The following CACNA1S variants were observed in gnomAD, a reference collection of about 807,000 sequenced individuals.
CACNA1S encodes voltage-dependent L-type calcium channel subunit alpha-1S.
Under a neutral mutation model 207.4 loss-of-function variants are expected in CACNA1S, and 126 were observed. That is an observed-to-expected ratio of 0.61 (90% CI 0.53 to 0.70). The LOEUF (loss-of-function observed/expected upper bound fraction) is 0.70. Among genes scored for constraint, CACNA1S ranks in the 30% least tolerant of loss-of-function variants. The pLI is 0.00. For synonymous variants in CACNA1S, 960 were observed against 932.7 expected, an observed-to-expected ratio of 1.03 and a Z score of -0.53; for missense variants, 2,349 against 2,422.8, an observed-to-expected ratio of 0.97 and a Z score of 0.64.
Position 201,062,829 on chromosome 1 carries a change from A to G in CACNA1S, c.2854-315T>C, listed in dbSNP as rs558599346. 2.0e-5 allele frequency among the ~76,000 whole-genome samples: 3 copies of G among 152,192 alleles called. No individual in the cohort carries two copies. In the East Asian group the frequency reaches 5.8e-4, roughly 30 times the overall value. ...GAGTGCCCCCTGATGGGCTGAGGGG[A>G]TGGACATGAGTGCAGCTTGGCCCCT... On this transcript the variant is annotated intron_variant, in intron 22 of 43. Transcript: ENST00000362061.
At chr1:201,069,324 T>C in intron 18 of CACNA1S, 128 bp from the exon 19 acceptor site, 1 of 1,407,008 alleles carries the variant, frequency 7.1e-7, no homozygotes, top group Non-Finnish European at 1.0e-6. Context: ...TCAGAAGGAG[T>C]GGAGTGGGCA....
In CACNA1S at chr1:201,073,011, T is replaced by C. The variant is rs371336455; in HGVS notation, c.2158-187A>G. 6.6e-5 allele frequency among the ~76,000 whole-genome samples: 10 copies of C among 152,182 alleles called. No homozygotes were observed. The East Asian group carries it at 1.7e-3, about 26-fold the overall frequency. ...CCAGGCCCAGCAAGGCCAGACAACT[T>C]GCAAAAGCTCCCACGGGGCAAGGCC... On this transcript the variant is annotated intron_variant, in intron 15 of 43. Coordinates refer to ENST00000362061, the MANE Select transcript of CACNA1S (RefSeq NM_000069.3).
chr1:201,096,349 C>A (rs1271905962), intron 2 of CACNA1S, among the ~76,000 whole-genome samples: 1 of 152,244 alleles, frequency 6.6e-6, no homozygotes, highest in Non-Finnish European at 1.5e-5. Context: ...AGGGATGTGT[C>A]CCCTCTTGCA....
intron 10 of CACNA1S, among the ~76,000 whole-genome samples, chr1:201,078,756 G>A (rs1661727852): frequency 6.6e-6 from 1 of 151,916 alleles, no homozygotes; most frequent in Admixed American, 6.6e-5. Context: ...GAAGCTCCCT[G>A]TCCGTGATTC....
At chr1:201,052,244 G>A (rs1401829745) in intron 32 of CACNA1S, among the ~76,000 whole-genome samples, 1 of 152,258 alleles carries the variant, frequency 6.6e-6, no homozygotes, top group Non-Finnish European at 1.5e-5. Context: ...GAGGGCAAAT[G>A]TCCGGGAGAA....
intron 19 of CACNA1S, among the ~76,000 whole-genome samples, chr1:201,068,633 G>A: frequency 6.6e-6 from 1 of 151,832 alleles, no homozygotes; most frequent in East Asian, 2.0e-4. Flanking sequence ...AGCACTTTGG[G>A]AGGCTGAGGT....
chr1:201,111,232 T>C (rs1001139232), intron 1 of CACNA1S, among the ~76,000 whole-genome samples: 1 of 152,130 alleles, frequency 6.6e-6, no homozygotes, highest in East Asian at 1.9e-4. Flanking sequence ...CTATCTCTAC[T>C]TGCCCCACGT....
At chr1:201,042,012 T>C (rs1199965294) in intron 40 of CACNA1S, 3 of 304,238 alleles carry the variant, frequency 9.9e-6, no homozygotes. Context: ...CCCTGGATTA[T>C]CTAATGCACA....
At chr1:201,077,661 AC>A (rs1331341407) in intron 11 of CACNA1S, among the ~76,000 whole-genome samples, 8 of 152,138 alleles carry the variant, frequency 5.3e-5, no homozygotes, top group African/African-American at 1.9e-4. Flanking sequence ...CCTGCCATAG[AC>A]TATGGTAAGA....
intron 28 of CACNA1S, among the ~76,000 whole-genome samples, chr1:201,058,072 A>T (rs1488646969): frequency 6.6e-6 from 1 of 152,102 alleles, no homozygotes; most frequent in African/African-American, 2.4e-5. Flanking sequence ...TCTCCTCTCC[A>T]GCTCCAGTCA....
At chr1:201,094,286 C>A (rs903346184) in intron 2 of CACNA1S, among the ~76,000 whole-genome samples, 3 of 152,166 alleles carry the variant, frequency 2.0e-5, no homozygotes, top group Non-Finnish European at 4.4e-5. Context: ...CCATCTCCAG[C>A]ATTTCATGTT....
intron 38 of CACNA1S, 77 bp from the exon 39 acceptor site, chr1:201,044,533 C>CA: frequency 6.5e-7 from 1 of 1,549,912 alleles, no homozygotes. Flanking sequence ...TTTTTTGAGA[C>CA]AGAGTCTCAC....
rs771401672 is a variant in CACNA1S at position 201,039,806 on chromosome 1, A to G, written c.*25T>C. On this transcript the variant is annotated 3_prime_UTR_variant, in exon 44 of 44. Coordinates refer to ENST00000362061, the MANE Select transcript of CACNA1S (RefSeq NM_000069.3). ...ACCCCCATTGGTCATGCCAGCTCTA[A>G]GCCCATGCTGATGCTGTGTGGGCAT... is the stretch of plus-strand genomic sequence containing the variant. 4.4e-6 allele frequency: 7 copies of G among 1,600,858 alleles called. No individual in the cohort carries two copies. Among genetic ancestry groups the G allele is most frequent in the Non-Finnish European group, 5.9e-6 (7 of 1,179,952 alleles).
rs1316899617 is a variant in CACNA1S, at chr1:201,085,436, C to T, written c.1150G>A (p.Gly384Arg). ...CTGACCACAGCCTTTGGGCCCAAAC[C>T]TTCTCTGAAGTCCTCAACATCCATG... Reference protein sequence around the residue: ...EVMDVEDFREGKLSLDEGGSD... With the variant: ...EVMDVEDFRERKLSLDEGGSD... The change falls in exon 8 of 44, where the codon GGA becomes AGA. Residue 384 changes from glycine (G) to arginine (R), a missense_variant and splice_region_variant. By Grantham distance (125) the Gly-to-Arg change is moderately radical. Coordinates refer to ENST00000362061, the MANE Select transcript of CACNA1S (RefSeq NM_000069.3). The T allele has an allele frequency of 1.9e-6, 3 of 1,613,672 alleles. No individual in the cohort carries two copies. The highest frequency in any genetic ancestry group is 2.7e-5 in the African/African-American group (2 of 74,772).
intron 19 of CACNA1S, among the ~76,000 whole-genome samples, chr1:201,067,340 T>C (rs74138825): frequency 5.3e-5 from 8 of 152,150 alleles, no homozygotes; most frequent in Non-Finnish European, 1.0e-4. Context: ...GGAAAGCTTC[T>C]TGGGCAATCC....
In CACNA1S at chr1:201,058,411, G is replaced by A. The variant is rs189797100; in HGVS notation, c.3606C>T (p.Ile1202=). The part of the protein sequence containing the change: ...GSIIDVILSE[I]DTFLASSGGL... ...GCTCTGCCTGCCTGATACTCACGTC[G>A]ATCTCACTGAGGATGACATCAATGA... The change falls in exon 28 of 44, where the codon ATC becomes ATT. Residue 1202 remains isoleucine (I), a synonymous_variant. Coordinates refer to ENST00000362061, the MANE Select transcript of CACNA1S (RefSeq NM_000069.3). 9.9e-5 allele frequency: 160 copies of A among 1,613,598 alleles called. No individual in the cohort carries two copies. In the East Asian group the frequency reaches 1.8e-3, roughly 18 times the overall value.
intron 10 of CACNA1S, among the ~76,000 whole-genome samples, chr1:201,078,382 TAG>T (rs1007002535): frequency 4.9e-4 from 74 of 152,182 alleles, no homozygotes; most frequent in African/African-American, 1.8e-3. Context: ...GTATTTTTAA[TAG>T]AGACAGGGTT....
rs1211001504 is a variant in CACNA1S, at chr1:201,061,299, C to G, written c.3223G>C (p.Glu1075Gln). The G allele has an allele frequency of 6.2e-7, 1 of 1,614,062 alleles. No homozygotes were observed. ...TTGTCCAGCTCACAGTTCTTGTACT[C>G]AGTCTCTCCCTGCTCCTGGAAGGTG... ...IVTFQEQGET[E>Q]YKNCELDKNQ... The change falls in exon 25 of 44, where the codon GAG (glutamate) becomes CAG (glutamine). Residue 1075 changes from glutamate (E) to glutamine (Q), a missense_variant. Transcript: ENST00000362061.
At chr1:201,057,104 C>T (rs1156540728) in intron 28 of CACNA1S, among the ~76,000 whole-genome samples, 1 of 152,240 alleles carries the variant, frequency 6.6e-6, no homozygotes, top group Non-Finnish European at 1.5e-5. Flanking sequence ...CACACTTAAA[C>T]CCTCCAAAGG....
Sources: allele counts gnomAD v4.1 joint callset (sites outside exome capture counted in the v4.1 genomes callset), GRCh38; gene constraint gnomAD v4.1.1; transcripts MANE v1.5; gene names NCBI Gene and HGNC (gene_info 2026-07-23, HGNC 2026-07-21).